SMC1B: variants seen among roughly 807,000 people sequenced by gnomAD.
The protein encoded by SMC1B is structural maintenance of chromosomes protein 1B.
A neutral mutation model predicts 157.9 loss-of-function variants in SMC1B; 60 were observed. The observed-to-expected ratio is 0.38, with a 90% CI of 0.31 to 0.47. SMC1B has a LOEUF of 0.47. SMC1B is among the 20% of genes least tolerant of loss of function. SMC1B has a pLI of 0.99. For synonymous variants in SMC1B, 445 were observed against 483.0 expected, an observed-to-expected ratio of 0.92 and a Z score of 1.03; for missense variants, 1,165 against 1,426.2, an observed-to-expected ratio of 0.82 and a Z score of 2.95.
Position 45,361,077 on chromosome 22 carries a change from G to A in SMC1B, c.2708+762C>T, listed in dbSNP as rs531108145. On this transcript the variant is annotated intron_variant, in intron 17 of 24. Coordinates refer to ENST00000357450, the MANE Select transcript of SMC1B (RefSeq NM_148674.5). ...TATTAACATATGTAATACTTACAACGATTCTGTGAGGTAGGCACTATTACT... is the reference window on the plus strand; with the variant it reads ...TATTAACATATGTAATACTTACAACAATTCTGTGAGGTAGGCACTATTACT... Among the ~76,000 whole-genome samples, 8 of 151,890 alleles carry A rather than the reference G, an allele frequency of 5.3e-5. No homozygotes were observed. The South Asian group carries it at 1.2e-3, about 24-fold the overall frequency.
In SMC1B at chr22:45,344,426, A is replaced by G; in HGVS notation, c.*130T>C. 1 of 611,080 alleles carries G rather than the reference A, an allele frequency of 1.6e-6. No individual in the cohort carries two copies. The highest frequency in any genetic ancestry group is 2.9e-6 in the Non-Finnish European group (1 of 343,828). The allele number at this position is 611,080 out of a possible 1,614,324, so 37.9% of individuals were successfully genotyped here. ...AGTGAGCCACAGCCTCTTTGGCTAG[A>G]ACGACTAAGGTTTCTCTTAAAGGGT... On this transcript the variant is annotated 3_prime_UTR_variant, in exon 25 of 25. Coordinates refer to ENST00000357450, the MANE Select transcript of SMC1B (RefSeq NM_148674.5).
intron 6 of SMC1B, 124 bp downstream of exon 6, chr22:45,398,971 C>A: frequency 3.0e-6 from 3 of 987,088 alleles, no homozygotes; most frequent in East Asian, 2.4e-5. Flanking sequence ...AATTTAAATC[C>A]CCACAATTTA....
At chr22:45,374,696 C>A (rs373943458) in intron 12 of SMC1B, among the ~76,000 whole-genome samples, 2 of 152,154 alleles carry the variant, frequency 1.3e-5, no homozygotes. Context: ...ACTGAAGCTA[C>A]ACAACTTAAA....
At chr22:45,388,303 T>C (rs1287770734) in intron 10 of SMC1B, among the ~76,000 whole-genome samples, 5 of 152,174 alleles carry the variant, frequency 3.3e-5, no homozygotes, top group Admixed American at 2.0e-4. Flanking sequence ...ATTGAGTGTA[T>C]GGAAGCAATC....
chr22:45,355,014 T>C lies in SMC1B; in HGVS notation c.3063A>G (p.Leu1021=), dbSNP rs1602048783. Residue 1021 remains leucine, a synonymous_variant, in exon 20 of 25, where the codon CTA becomes CTG. Transcript: ENST00000357450. Reference sequence around the variant, plus strand: ...CAGTCTTTAAGTTCTCCAGTGCTCGTAGGTTTGGGGCTGCTGTTTTCAGTA... The same window carrying C: ...CAGTCTTTAAGTTCTCCAGTGCTCGCAGGTTTGGGGCTGCTGTTTTCAGTA... ...DILLKTAAPN[L]RALENLKTVR... The C allele has an allele frequency of 1.2e-6, 2 of 1,614,210 alleles. No homozygotes were observed. The highest frequency in any genetic ancestry group is 1.7e-6 in the Non-Finnish European group (2 of 1,180,034).
At chr22:45,348,304 C>T (rs1190465955) in intron 23 of SMC1B, among the ~76,000 whole-genome samples, 1 of 152,178 alleles carries the variant, frequency 6.6e-6, no homozygotes, top group Non-Finnish European at 1.5e-5. Context: ...GTAATCCCAG[C>T]ACTTTGGGAG....
intron 12 of SMC1B, among the ~76,000 whole-genome samples, chr22:45,382,081 G>A (rs1405261264): frequency 2.0e-5 from 3 of 152,102 alleles, no homozygotes; most frequent in Non-Finnish European, 4.4e-5. Context: ...AATTCCAGAT[G>A]AATAAAAAAT....
chr22:45,387,082 A>G (rs1167576036), intron 10 of SMC1B, 36 bp from the exon 11 acceptor site: 1 of 1,509,576 alleles, frequency 6.6e-7, no homozygotes. Context: ...TGTTACATAC[A>G]CTGAAATAAA....
chr22:45,349,669 T>C, intron 23 of SMC1B, 59 bp downstream of exon 23: 1 of 1,467,598 alleles, frequency 6.8e-7, no homozygotes, highest in Non-Finnish European at 9.5e-7. Context: ...TTCCATTGCT[T>C]GCCTCACATG....
intron 4 of SMC1B, among the ~76,000 whole-genome samples, chr22:45,405,833 C>T (rs1029806999): frequency 3.3e-5 from 5 of 152,112 alleles, no homozygotes; most frequent in African/African-American, 1.2e-4. Flanking sequence ...CATGCACTAA[C>T]AGTGTGGACA....
intron 1 of SMC1B, among the ~76,000 whole-genome samples, chr22:45,409,612 A>AT (rs200917163): frequency 6.5e-5 from 9 of 139,114 alleles, no homozygotes; most frequent in Admixed American, 4.0e-4. Context: ...AAATAAATAA[A>AT]AACAAGAGAA....
At position 45,372,263 on chromosome 22, in the gene SMC1B, T is replaced by C. The variant is rs375278986; in HGVS notation, c.2088A>G (p.Thr696=). The change falls in exon 13 of 25, where the codon ACA becomes ACG. Residue 696 remains threonine (T), a synonymous_variant. Coordinates refer to ENST00000357450, the MANE Select transcript of SMC1B (RefSeq NM_148674.5). ...KGLMKTLRKE[T]DLKQIQTLIQ... is the part of the protein sequence containing the mutation. ...TCAGGGTCTGTATTTGTTTCAAATC[T>C]GTTTCTTTGCGGAGTGTCTTCATTA... The C allele has an allele frequency of 2.3e-4, 376 of 1,607,666 alleles. No homozygotes were observed. Among genetic ancestry groups the C allele is most frequent in the Non-Finnish European group, 3.0e-4 (355 of 1,177,920 alleles).
intron 12 of SMC1B, among the ~76,000 whole-genome samples, chr22:45,376,784 C>G (rs1345864512): frequency 2.0e-5 from 3 of 151,908 alleles, no homozygotes; most frequent in Non-Finnish European, 4.4e-5. Context: ...TAATTTTCAG[C>G]TCCTTAGTAC....
chr22:45,344,528 T>C lies in SMC1B; in HGVS notation c.*28A>G, dbSNP rs751067793. 2.5e-5 allele frequency: 37 copies of C among 1,509,078 alleles called. No individual in the cohort carries two copies. The highest frequency in any genetic ancestry group is 3.4e-5 in the Non-Finnish European group (37 of 1,084,710). 93.5% of individuals were successfully genotyped at this position (1,509,078 alleles called of 1,614,324 possible). The stretch of plus-strand genomic sequence containing the variant: ...GAGTATTAGAGTGGGAACTGAACAG[T>C]GATCAGGTGACTGCTGCAGGACTGC... On this transcript the variant is annotated 3_prime_UTR_variant, in exon 25 of 25. Transcript: ENST00000357450.
chr22:45,349,015 A>AT (rs1183927337), intron 23 of SMC1B, among the ~76,000 whole-genome samples: 8,447 of 99,678 alleles, frequency 0.085, 536 homozygotes, highest in African/African-American at 0.16. Context: ...ACAAGGACTG[A>AT]TTTTTTTTTT....
At chr22:45,398,233 C>T (rs1008583092) in intron 6 of SMC1B, among the ~76,000 whole-genome samples, 4 of 152,332 alleles carry the variant, frequency 2.6e-5, no homozygotes, top group East Asian at 3.9e-4. Context: ...CTCATCTGGG[C>T]GCCAGAGCCC....
rs751388408 is a variant in SMC1B at position 45,396,503 on chromosome 22, GAAAAAT to G, written c.1114-23_1114-18del. 1.9e-6 allele frequency: 3 copies of G among 1,592,682 alleles called. No homozygotes were observed. The highest frequency in any genetic ancestry group is 2.6e-6 in the Non-Finnish European group (3 of 1,171,092). The stretch of plus-strand genomic sequence containing the variant: ...ACGATCCAGCTGCATAAACAGTATT[GAAAAAT>G]TGCTAATTCACCTTAAGAAGCATGA... On this transcript the variant is annotated intron_variant, in intron 6 of 24. Transcript: ENST00000357450.
At chr22:45,383,113 A>G (rs1206621954) in intron 12 of SMC1B, among the ~76,000 whole-genome samples, 1 of 149,944 alleles carries the variant, frequency 6.7e-6, no homozygotes, top group African/African-American at 2.5e-5. Flanking sequence ...AGCCTGGGCA[A>G]CAAGAGCGAA....
intron 4 of SMC1B, among the ~76,000 whole-genome samples, chr22:45,403,874 A>G (rs1444969228): frequency 2.6e-5 from 4 of 152,162 alleles, no homozygotes; most frequent in African/African-American, 4.8e-5. Flanking sequence ...CTCTTGCCCA[A>G]ATTTCTATCT....
Sources: allele counts gnomAD v4.1 joint callset (sites outside exome capture counted in the v4.1 genomes callset), GRCh38; gene constraint gnomAD v4.1.1; transcripts MANE v1.5; gene names NCBI Gene and HGNC (gene_info 2026-07-23, HGNC 2026-07-21).